The following SCYL3 variants were observed in gnomAD, a reference collection of about 807,000 sequenced individuals.
SCYL3 encodes the protein SCY1 like pseudokinase 3.
Under a neutral mutation model 73.8 loss-of-function variants are expected in SCYL3, and 35 were observed. The observed-to-expected ratio is 0.47, with a 90% CI of 0.36 to 0.63. The LOEUF is 0.63. SCYL3 is among the 20% of genes least tolerant of loss of function. The pLI, the probability that SCYL3 is intolerant of heterozygous loss-of-function variation, is 0.00. For missense variants in SCYL3, 712 were observed against 798.9 expected (o/e 0.89, Z 1.31); for synonymous variants, 277 against 295.2 (o/e 0.94, Z 0.63).
chr1:169,868,420 A>T (rs1660183690), intron 7 of SCYL3, among the ~76,000 whole-genome samples: 1 of 152,208 alleles, frequency 6.6e-6, no homozygotes, highest in South Asian at 2.1e-4. Context: ...AATATCTCTG[A>T]ATCTAATAAG....
At chr1:169,863,748 T>C (rs1303356402) in intron 9 of SCYL3, among the ~76,000 whole-genome samples, 1 of 152,192 alleles carries the variant, frequency 6.6e-6, no homozygotes, top group Non-Finnish European at 1.5e-5. Context: ...GAGAATGGTA[T>C]CAAAGTAGAG....
chr1:169,857,467 A>G (rs1659273059), intron 11 of SCYL3, among the ~76,000 whole-genome samples: 2 of 152,200 alleles, frequency 1.3e-5, no homozygotes, highest in Admixed American at 1.3e-4. Context: ...TGCAGGTGCA[A>G]ACCTGCAAAT....
At chr1:169,855,681 C>T in intron 11 of SCYL3, 2 of 942,402 alleles carry the variant, frequency 2.1e-6, no homozygotes, top group South Asian at 3.6e-5. Context: ...CCAAAGCTGA[C>T]TACATAATTA....
rs1392784534 is a variant in SCYL3 at position 169,852,555 on chromosome 1, T to C, written c.*1158A>G. On this transcript the variant is annotated 3_prime_UTR_variant, in exon 13 of 13. Transcript: ENST00000367771. ...GGAGCCCTTTGGGACAGGATACTTG[T>C]TGTATACCACATACAAACTAAGACA... is the stretch of plus-strand genomic sequence containing the variant. 3.9e-5 allele frequency: 21 copies of C among 535,698 alleles called. No individual in the cohort carries two copies. Among genetic ancestry groups the C allele is most frequent in the Non-Finnish European group, 5.6e-5 (17 of 301,680 alleles). The allele number at this position is 535,698 out of a possible 1,614,324, so 33.2% of individuals were successfully genotyped here.
rs763182857 is a variant in SCYL3 at position 169,852,935 on chromosome 1, C to T, written c.*778G>A. The stretch of plus-strand genomic sequence containing the variant: ...GCCTGGCTTTCAATGGAAATGGAGG[C>T]GCTCCAAGAAAGGATGGATAAGCTA... On this transcript the variant is annotated 3_prime_UTR_variant, in exon 13 of 13. Coordinates refer to ENST00000367771, the MANE Select transcript of SCYL3 (RefSeq NM_020423.7). 9.9e-6 allele frequency: 16 copies of T among 1,613,966 alleles called. No individual in the cohort carries two copies. Among genetic ancestry groups the T allele is most frequent in the African/African-American group, 4.0e-5 (3 of 74,890 alleles).
chr1:169,857,969 T>C (rs1659321195), intron 11 of SCYL3, among the ~76,000 whole-genome samples: 1 of 152,190 alleles, frequency 6.6e-6, no homozygotes, highest in African/African-American at 2.4e-5. Flanking sequence ...GTATAGGGTA[T>C]TTACTATGAA....
At position 169,854,179 on chromosome 1, in the gene SCYL3, A is replaced by G; in HGVS notation, c.2007+91T>C. 4 of 973,536 alleles carry G rather than the reference A, an allele frequency of 4.1e-6. No homozygotes were observed. In the South Asian group the frequency reaches 6.9e-5, roughly 17 times the overall value. 60.3% of individuals were successfully genotyped at this position (973,536 alleles called of 1,614,324 possible). A position where few individuals can be genotyped will look rare whatever the true frequency, so the allele number is the denominator to read the frequency against. On this transcript the variant is annotated intron_variant, in intron 12 of 12. Transcript: ENST00000367771. ...TGCTTGACTTGACTAGGAAAATAGC[A>G]TGTTGCTTGTTATAAATGGGATACT...
At position 169,850,267 on chromosome 1, in the gene SCYL3, A is replaced by T. The variant is rs1184240503; in HGVS notation, c.*3446T>A. 1 of 1,605,306 alleles carries T rather than the reference A, an allele frequency of 6.2e-7. No individual in the cohort carries two copies. Among genetic ancestry groups the T allele is most frequent in the Non-Finnish European group, 8.5e-7 (1 of 1,173,662 alleles). ...CTTGTTCATCAATTTTTTAATAGGG[A>T]ACAAATCATGAAGAGATAGTTCCAC... On this transcript the variant is annotated 3_prime_UTR_variant, in exon 13 of 13. Coordinates refer to ENST00000367771, the MANE Select transcript of SCYL3 (RefSeq NM_020423.7).
rs1367367066 is a variant in SCYL3 at position 169,850,504 on chromosome 1, T to TA, written c.*3208dup. On this transcript the variant is annotated 3_prime_UTR_variant, in exon 13 of 13. Coordinates refer to ENST00000367771, the MANE Select transcript of SCYL3 (RefSeq NM_020423.7). ...TACTAAGCAATTGAGGCCACAGAAG[T>TA]AAAACACTTGGGGCCAGGCGCGGCG... 3 of 566,480 alleles carry TA rather than the reference T, an allele frequency of 5.3e-6. No homozygotes were observed. In the Admixed American group the frequency reaches 9.2e-5, roughly 17 times the overall value. 35.1% of individuals were successfully genotyped at this position (566,480 alleles called of 1,614,324 possible). A position where few individuals can be genotyped will look rare whatever the true frequency, so the allele number is the denominator to read the frequency against.
rs71125207 is a variant in SCYL3 at position 169,854,155 on chromosome 1, G to GCTTGACTTGA, written c.2007+105_2007+114dup. 3.8e-3 allele frequency: 2,852 copies of GCTTGACTTGA among 753,118 alleles called. 45 individuals carry two copies. The highest frequency in any genetic ancestry group is 0.035 in the African/African-American group (1,947 of 55,566). The allele number at this position is 753,118 out of a possible 1,614,324, so 46.7% of individuals were successfully genotyped here. A position where few individuals can be genotyped will look rare whatever the true frequency, so the allele number is the denominator to read the frequency against. On this transcript the variant is annotated intron_variant, in intron 12 of 12. Coordinates refer to ENST00000367771, the MANE Select transcript of SCYL3 (RefSeq NM_020423.7). ...TAGAAACTGATTTTGTTAATTTTGTGCTTGACTTGACTAGGAAAATAGCAT... is the reference window on the plus strand; with the variant it reads ...TAGAAACTGATTTTGTTAATTTTGTGCTTGACTTGACTTGACTTGACTAGGAAAATAGCAT...
chr1:169,859,335 G>T, intron 10 of SCYL3, 123 bp from the exon 11 acceptor site: 1 of 910,206 alleles, frequency 1.1e-6, no homozygotes, highest in Non-Finnish European at 1.6e-6. Context: ...TTAGATATGT[G>T]TTCCAGGTCA....
chr1:169,853,342 T>A lies in SCYL3; in HGVS notation c.*371A>T, dbSNP rs1025926280. 1.5e-5 allele frequency: 5 copies of A among 324,454 alleles called. No individual in the cohort carries two copies. The highest frequency in any genetic ancestry group is 4.3e-5 in the African/African-American group (2 of 46,452). The allele number at this position is 324,454 out of a possible 1,614,324, so 20.1% of individuals were successfully genotyped here. A position where few individuals can be genotyped will look rare whatever the true frequency, so the allele number is the denominator to read the frequency against. The stretch of plus-strand genomic sequence containing the variant: ...TGTATTTCATAATAGAGCTTACTCT[T>A]ATGTTAAAGAATGGCACAAAATTAA... On this transcript the variant is annotated 3_prime_UTR_variant, in exon 13 of 13. Coordinates refer to ENST00000367771, the MANE Select transcript of SCYL3 (RefSeq NM_020423.7).
At chr1:169,865,155 A>G (rs1659950479) in intron 8 of SCYL3, among the ~76,000 whole-genome samples, 2 of 152,160 alleles carry the variant, frequency 1.3e-5, no homozygotes, top group African/African-American at 2.4e-5. Flanking sequence ...AACAATGTAG[A>G]AAGCTTCCAT....
chr1:169,852,755 T>G lies in SCYL3; in HGVS notation c.*958A>C. On this transcript the variant is annotated 3_prime_UTR_variant, in exon 13 of 13. Coordinates refer to ENST00000367771, the MANE Select transcript of SCYL3 (RefSeq NM_020423.7). The stretch of plus-strand genomic sequence containing the variant: ...AAAGGAAGGTTCTTTATATTTAGAA[T>G]GGATATTGTGATATTACTTATGTTT... 1 of 1,597,416 alleles carries G rather than the reference T, an allele frequency of 6.3e-7. No individual in the cohort carries two copies. The highest frequency in any genetic ancestry group is 8.6e-7 in the Non-Finnish European group (1 of 1,168,462).
intron 1 of SCYL3, among the ~76,000 whole-genome samples, chr1:169,891,422 AATG>A (rs1662079349): frequency 6.6e-6 from 1 of 152,122 alleles, no homozygotes; most frequent in East Asian, 1.9e-4. Flanking sequence ...AGGTAACTTG[AATG>A]GGTCTATGTT....
intron 2 of SCYL3, among the ~76,000 whole-genome samples, chr1:169,882,558 A>G (rs540242504): frequency 6.6e-6 from 1 of 152,310 alleles, no homozygotes; most frequent in South Asian, 2.1e-4. Flanking sequence ...CCACTGGGTG[A>G]AGCCAGCTGG....
At position 169,849,716 on chromosome 1, in the gene SCYL3, A is replaced by AT; in HGVS notation, c.*3996dup. On this transcript the variant is annotated 3_prime_UTR_variant, in exon 13 of 13. Transcript: ENST00000367771. ...ACTGCTTCTGTATTGCAATCGGAAAATTGTCTGAAGGGTACATTACTCGTT... is the reference window on the plus strand; with the variant it reads ...ACTGCTTCTGTATTGCAATCGGAAAATTTGTCTGAAGGGTACATTACTCGTT... 1 of 793,880 alleles carries AT rather than the reference A, an allele frequency of 1.3e-6. No individual in the cohort carries two copies. Among genetic ancestry groups the AT allele is most frequent in the Non-Finnish European group, 2.0e-6 (1 of 488,024 alleles). 49.2% of individuals were successfully genotyped at this position (793,880 alleles called of 1,614,324 possible). A position where few individuals can be genotyped will look rare whatever the true frequency, so the allele number is the denominator to read the frequency against.
At chr1:169,887,734 T>C (rs1298966293) in intron 2 of SCYL3, among the ~76,000 whole-genome samples, 1 of 152,220 alleles carries the variant, frequency 6.6e-6, no homozygotes, top group East Asian at 1.9e-4. Context: ...CCCATCTTTT[T>C]CTTTAGGAAC....
chr1:169,868,487 A>G (rs1660187889), intron 7 of SCYL3, among the ~76,000 whole-genome samples: 2 of 152,232 alleles, frequency 1.3e-5, no homozygotes, highest in Admixed American at 1.3e-4. Flanking sequence ...CTTCCATCAC[A>G]TATTACTAGA....
Sources: allele counts gnomAD v4.1 joint callset (sites outside exome capture counted in the v4.1 genomes callset), GRCh38; gene constraint gnomAD v4.1.1; transcripts MANE v1.5; gene names NCBI Gene and HGNC (gene_info 2026-07-23, HGNC 2026-07-21).